PTPRK: variants seen among roughly 807,000 people sequenced by gnomAD.
PTPRK encodes the protein protein tyrosine phosphatase receptor type K.
PTPRK carries 75 observed loss-of-function variants against 178.0 expected under a neutral mutation model. The observed-to-expected ratio is 0.42, with a 90% CI of 0.35 to 0.51. The LOEUF (loss-of-function observed/expected upper bound fraction) is 0.51, where lower values mean the gene tolerates loss of function less well. Ranked by LOEUF, PTPRK falls within the 20% of genes least tolerant of loss-of-function variation. The pLI is 0.02. For missense variants in PTPRK, 1,441 were observed against 1,797.8 expected (o/e 0.80, Z 3.59); for synonymous variants, 637 against 620.6 (o/e 1.03, Z -0.39).
intron 2 of PTPRK, among the ~76,000 whole-genome samples, chr6:128,345,092 T>C (rs1041155278): frequency 1.3e-5 from 2 of 151,218 alleles, no homozygotes; most frequent in Non-Finnish European, 2.9e-5. Context: ...CTATGTGATG[T>C]AGGACTTTAA....
At chr6:127,975,444 T>C (rs1295601527) in intron 27 of PTPRK, among the ~76,000 whole-genome samples, 2 of 152,192 alleles carry the variant, frequency 1.3e-5, no homozygotes, top group South Asian at 2.1e-4. Context: ...TCCCTGCTCA[T>C]AGTTATATAC....
chr6:128,363,617 A>G (rs140387888), intron 2 of PTPRK, among the ~76,000 whole-genome samples: 1 of 152,240 alleles, frequency 6.6e-6, no homozygotes, highest in African/African-American at 2.4e-5. Context: ...CTTGGCTCAT[A>G]AACTGCAGTC....
intron 7 of PTPRK, among the ~76,000 whole-genome samples, chr6:128,146,539 G>A (rs1273880246): frequency 1.3e-5 from 2 of 151,530 alleles, no homozygotes; most frequent in Admixed American, 6.6e-5. Flanking sequence ...TGCCTCCTGG[G>A]TTCAAGCGAT....
intron 7 of PTPRK, among the ~76,000 whole-genome samples, chr6:128,178,605 T>G (rs1801444817): frequency 6.6e-6 from 1 of 151,892 alleles, no homozygotes; most frequent in African/African-American, 2.4e-5. Flanking sequence ...TTCCAGGAAT[T>G]TATGGATTTC....
intron 13 of PTPRK, among the ~76,000 whole-genome samples, chr6:128,030,576 T>C (rs1775144638): frequency 1.3e-5 from 2 of 152,200 alleles, no homozygotes; most frequent in African/African-American, 4.8e-5. Context: ...ATCTTGAAAT[T>C]GCATTCTTGG....
At chr6:128,295,360 T>G (rs1824140264) in intron 3 of PTPRK, among the ~76,000 whole-genome samples, 1 of 152,064 alleles carries the variant, frequency 6.6e-6, no homozygotes. Flanking sequence ...AACCATAGGC[T>G]GGTAATGGAT....
At chr6:128,456,991 A>G (rs531863819) in intron 1 of PTPRK, among the ~76,000 whole-genome samples, 1 of 152,222 alleles carries the variant, frequency 6.6e-6, no homozygotes, top group Non-Finnish European at 1.5e-5. Context: ...TCCAAATCCT[A>G]TTTGGTCCTG....
At chr6:128,396,340 T>C (rs1282928812) in intron 2 of PTPRK, among the ~76,000 whole-genome samples, 2 of 148,478 alleles carry the variant, frequency 1.3e-5, no homozygotes, top group Non-Finnish European at 3.0e-5. Flanking sequence ...AATGATAATA[T>C]ATTATATATA....
intron 1 of PTPRK, among the ~76,000 whole-genome samples, chr6:128,441,839 T>A (rs1846326018): frequency 6.6e-6 from 1 of 152,144 alleles, no homozygotes; most frequent in Non-Finnish European, 1.5e-5. Context: ...GCACAAATGG[T>A]CTGTACTATC....
rs531131108 is a variant in PTPRK, at chr6:128,364,718, A to G, written c.223+32848T>C. Among the ~76,000 whole-genome samples the G allele has an allele frequency of 2.0e-4, 31 of 152,184 alleles. No individual in the cohort carries two copies. The South Asian group carries it at 6.2e-3, about 31-fold the overall frequency. ...TGGATAATTATTAATCTCACCTATGATTTCACATATATAAACACAGCCTAA... is the reference window on the plus strand; with the variant it reads ...TGGATAATTATTAATCTCACCTATGGTTTCACATATATAAACACAGCCTAA... On this transcript the variant is annotated intron_variant, in intron 2 of 29. Coordinates refer to ENST00000368226, the MANE Select transcript of PTPRK (RefSeq NM_002844.4).
At chr6:128,360,333 C>T (rs551195965) in intron 2 of PTPRK, among the ~76,000 whole-genome samples, 1 of 152,150 alleles carries the variant, frequency 6.6e-6, no homozygotes, top group East Asian at 1.9e-4. Context: ...CATTTAATCT[C>T]TGTATTTCAG....
At chr6:128,444,709 A>C (rs1372993826) in intron 1 of PTPRK, among the ~76,000 whole-genome samples, 2 of 152,204 alleles carry the variant, frequency 1.3e-5, no homozygotes, top group Non-Finnish European at 2.9e-5. Context: ...CAGAATGTCC[A>C]GAAAAGTAGA....
At chr6:128,016,059 A>AT (rs1413049164) in intron 13 of PTPRK, among the ~76,000 whole-genome samples, 1 of 151,812 alleles carries the variant, frequency 6.6e-6, no homozygotes. Context: ...TTTGACTGAA[A>AT]TTTGTATTAC....
At chr6:128,378,101 T>C (rs1210236355) in intron 2 of PTPRK, among the ~76,000 whole-genome samples, 1 of 152,150 alleles carries the variant, frequency 6.6e-6, no homozygotes, top group Admixed American at 6.6e-5. Flanking sequence ...GTGAAAGTTA[T>C]ATTTCAATAA....
At chr6:128,103,070 C>T (rs1038887471) in intron 7 of PTPRK, among the ~76,000 whole-genome samples, 6 of 151,886 alleles carry the variant, frequency 4.0e-5, no homozygotes, top group African/African-American at 1.5e-4. Flanking sequence ...ACACCAAACC[C>T]CAGGTTCCTT....
intron 3 of PTPRK, among the ~76,000 whole-genome samples, chr6:128,319,301 T>C (rs552421738): frequency 1.3e-5 from 2 of 152,294 alleles, no homozygotes; most frequent in South Asian, 2.1e-4. Flanking sequence ...TCAAGTTATA[T>C]CTATGTATAT....
intron 3 of PTPRK, chr6:128,321,648 C>G: frequency 1.6e-6 from 1 of 607,170 alleles, no homozygotes; most frequent in Non-Finnish European, 2.9e-6. Flanking sequence ...TCAGTCCAGT[C>G]TGAAGATTAC....
At chr6:127,997,096 G>T in intron 16 of PTPRK, 108 bp from the exon 17 acceptor site, 1 of 1,122,030 alleles carries the variant, frequency 8.9e-7, no homozygotes, top group Non-Finnish European at 1.3e-6. Context: ...AGAGAGGAAA[G>T]CAGTCCTACA....
intron 7 of PTPRK, among the ~76,000 whole-genome samples, chr6:128,169,787 G>A (rs1583310042): frequency 2.4e-5 from 1 of 42,406 alleles, no homozygotes; most frequent in Non-Finnish European, 6.9e-5. Context: ...TTTTTAATGT[G>A]TGTGTGTGTG....
Sources: allele counts gnomAD v4.1 joint callset (sites outside exome capture counted in the v4.1 genomes callset), GRCh38; gene constraint gnomAD v4.1.1; transcripts MANE v1.5; gene names NCBI Gene and HGNC (gene_info 2026-07-23, HGNC 2026-07-21).